Variants in RAD51B observed in about 807,000 individuals in gnomAD.
The protein encoded by RAD51B is DNA repair protein RAD51 homolog 2.
In RAD51B, 38 loss-of-function variants were observed where a neutral mutation model predicts 42.2. The ratio of observed to expected loss-of-function variants is 0.90; its 90% CI spans 0.70 to 1.18. RAD51B has a LOEUF of 1.18. RAD51B is among the 50% of genes most tolerant of loss of function. The pLI, the probability that RAD51B is intolerant of heterozygous loss-of-function variation, is 0.00. For missense variants in RAD51B, 373 were observed against 400.7 expected (o/e 0.93, Z 0.59); for synonymous variants, 154 against 145.2 (o/e 1.06, Z -0.43).
chr14:67,921,193 G>A (rs1595109302), intron 7 of RAD51B, among the ~76,000 whole-genome samples: 1 of 152,104 alleles, frequency 6.6e-6, no homozygotes, highest in Non-Finnish European at 1.5e-5. Flanking sequence ...TTAGAGGAGG[G>A]CTAGGAATCC....
intron 7 of RAD51B, among the ~76,000 whole-genome samples, chr14:68,123,452 A>G (rs1464194884): frequency 6.6e-6 from 1 of 152,022 alleles, no homozygotes; most frequent in Non-Finnish European, 1.5e-5. Flanking sequence ...TTGGCCTCCC[A>G]AAGTGTTGAG....
intron 9 of RAD51B, among the ~76,000 whole-genome samples, chr14:68,426,475 G>A (rs957371739): frequency 6.6e-6 from 1 of 152,182 alleles, no homozygotes; most frequent in Non-Finnish European, 1.5e-5. Context: ...AAACAACTTG[G>A]TTGAATTGCA....
chr14:68,353,677 A>T (rs1335067074), intron 8 of RAD51B, among the ~76,000 whole-genome samples: 1 of 152,244 alleles, frequency 6.6e-6, no homozygotes, highest in Non-Finnish European at 1.5e-5. Flanking sequence ...CATCCGAGTC[A>T]TAATAGCACA....
chr14:67,890,539 C>T (rs1303616621), intron 7 of RAD51B, among the ~76,000 whole-genome samples: 2 of 151,680 alleles, frequency 1.3e-5, no homozygotes, highest in Non-Finnish European at 2.9e-5. Flanking sequence ...TATACATGTG[C>T]CATGCTGGTG....
At chr14:68,339,936 G>T (rs1320463878) in intron 8 of RAD51B, among the ~76,000 whole-genome samples, 1 of 152,144 alleles carries the variant, frequency 6.6e-6, no homozygotes, top group African/African-American at 2.4e-5. Flanking sequence ...TTAATCATAG[G>T]CAGTGCTGAG....
chr14:68,114,243 T>C (rs1341232826), intron 7 of RAD51B: 1 of 152,182 alleles, frequency 6.6e-6, no homozygotes, highest in Non-Finnish European at 1.5e-5. Context: ...TCAGCCTCAC[T>C]GAACAATGTG....
At chr14:68,679,804 G>GC (rs1893388676) in intron 11 of RAD51B, among the ~76,000 whole-genome samples, 1 of 152,086 alleles carries the variant, frequency 6.6e-6, no homozygotes, top group Non-Finnish European at 1.5e-5. Context: ...TGTACCTCAG[G>GC]CCCCTGATTG....
intron 7 of RAD51B, among the ~76,000 whole-genome samples, chr14:68,004,330 C>CT (rs2075542286): frequency 9.8e-6 from 1 of 102,236 alleles, no homozygotes; most frequent in Non-Finnish European, 1.8e-5. Flanking sequence ...AAGACTCCGT[C>CT]TCAAAAAAAA....
chr14:68,022,564 C>T (rs374696851), intron 7 of RAD51B, among the ~76,000 whole-genome samples: 27 of 151,754 alleles, frequency 1.8e-4, no homozygotes, highest in Non-Finnish European at 2.6e-4. Context: ...GATGGTATCT[C>T]ATTGCGGTTT....
At chr14:68,148,168 T>A (rs1484694351) in intron 7 of RAD51B, among the ~76,000 whole-genome samples, 1 of 152,234 alleles carries the variant, frequency 6.6e-6, no homozygotes, top group African/African-American at 2.4e-5. Flanking sequence ...CTTCATTACT[T>A]TTTCCTGCAA....
chr14:67,999,010 C>T (rs530891060), intron 7 of RAD51B, among the ~76,000 whole-genome samples: 1 of 151,968 alleles, frequency 6.6e-6, no homozygotes, highest in East Asian at 2.0e-4. Flanking sequence ...AAACTCTGAA[C>T]TCTGTCACCC....
intron 10 of RAD51B, among the ~76,000 whole-genome samples, chr14:68,528,878 A>G (rs912493336): frequency 4.6e-5 from 7 of 152,274 alleles, no homozygotes; most frequent in African/African-American, 1.7e-4. Context: ...GAAGAATAAG[A>G]AAACTAAGAA....
chr14:68,010,628 T>G (rs2075668916), intron 7 of RAD51B, among the ~76,000 whole-genome samples: 1 of 151,846 alleles, frequency 6.6e-6, no homozygotes, highest in South Asian at 2.1e-4. Flanking sequence ...AATGTTATTA[T>G]TTTTAATGAG....
At chr14:67,888,879 G>T (rs1474179238) in intron 7 of RAD51B, among the ~76,000 whole-genome samples, 2 of 152,146 alleles carry the variant, frequency 1.3e-5, no homozygotes, top group Non-Finnish European at 2.9e-5. Context: ...GATACAGGGG[G>T]ATGACTATAT....
At chr14:68,144,895 A>G (rs2078217849) in intron 7 of RAD51B, among the ~76,000 whole-genome samples, 1 of 152,154 alleles carries the variant, frequency 6.6e-6, no homozygotes, top group Admixed American at 6.5e-5. Flanking sequence ...TTTTATTCAT[A>G]TTGGGAAGAT....
intron 10 of RAD51B, among the ~76,000 whole-genome samples, chr14:68,495,336 A>G (rs555350297): frequency 5.9e-5 from 9 of 152,226 alleles, no homozygotes; most frequent in Non-Finnish European, 1.3e-4. Context: ...CACTGGCGCA[A>G]CCGAGAGAGG....
At chr14:68,132,363 G>A (rs937247591) in intron 7 of RAD51B, among the ~76,000 whole-genome samples, 1 of 152,152 alleles carries the variant, frequency 6.6e-6, no homozygotes, top group Admixed American at 6.5e-5. Context: ...TTTGAATATT[G>A]GAAAGAGGAA....
chr14:68,028,374 G>T (rs1254350015), intron 7 of RAD51B, among the ~76,000 whole-genome samples: 1 of 152,194 alleles, frequency 6.6e-6, no homozygotes, highest in East Asian at 1.9e-4. Flanking sequence ...ACCATGGCAG[G>T]GAGATAGGCC....
At chr14:67,955,215 T>C (rs2074524128) in intron 7 of RAD51B, among the ~76,000 whole-genome samples, 1 of 152,178 alleles carries the variant, frequency 6.6e-6, no homozygotes, top group Admixed American at 6.5e-5. Flanking sequence ...TTAAGAAAGT[T>C]CCATGAAAGG....
Sources: gnomAD v4.1 joint callset for allele counts (sites outside exome capture counted in the v4.1 genomes callset) on GRCh38, gnomAD v4.1.1 for gene constraint, MANE v1.5 for transcripts, NCBI Gene and HGNC (gene_info 2026-07-23, HGNC 2026-07-21) for gene names.